Variants in POU5F1 observed in about 807,000 individuals in gnomAD.
POU5F1 encodes POU domain, class 5, transcription factor 1.
Under a neutral mutation model 38.3 loss-of-function variants are expected in POU5F1, and 6 were observed. That is an observed-to-expected ratio of 0.16 (90% confidence interval 0.09 to 0.31). The LOEUF is 0.31. Ranked by LOEUF, POU5F1 falls within the 10% of genes least tolerant of loss-of-function variation. The pLI, the probability that POU5F1 is intolerant of heterozygous loss-of-function variation, is 1.00. For synonymous variants in POU5F1, 147 were observed against 194.9 expected (o/e 0.75, Z 2.05); for missense variants, 286 against 462.6 (o/e 0.62, Z 3.50).
Position 31,165,661 on chromosome 6 carries a change from A to C in POU5F1, c.567T>G (p.Ala189=). ...FSQTTICRFE[A]LQLSFKNMCK... is the part of the protein sequence containing the mutation. ...ACATGTTCTTGAAGCTAAGCTGCAG[A>C]GCCTCAAAGCGGCAGATGGTCGTTT... The change falls in exon 3 of 5, where the codon GCT becomes GCG. Residue 189 remains alanine (A), a synonymous_variant. Transcript: ENST00000259915. This position sits in a 1 kb window ranked among gnomAD's most constrained non-coding sequence, Gnocchi z 6.5. The C allele has an allele frequency of 6.2e-7, 1 of 1,613,886 alleles. No individual in the cohort carries two copies. The highest frequency in any genetic ancestry group is 8.5e-7 in the Non-Finnish European group (1 of 1,179,942).
In POU5F1 at chr6:31,164,789, C is replaced by T. The variant is rs758948344; in HGVS notation, c.895G>A (p.Glu299Lys). Residue 299 changes from glutamate (E) to lysine (K), a missense_variant, in exon 5 of 5, where the codon GAG becomes AAG. Glu to Lys is a moderately conservative substitution (Grantham distance 56). Transcript: ENST00000259915. The part of the protein sequence containing the change: ...SSDYAQREDF[E>K]AAGSPFSGGP... ...CCTGAGAAAGGAGACCCAGCAGCCTCAAAATCCTCTCGTTGTGCATAGTCG... is the reference window on the plus strand; with the variant it reads ...CCTGAGAAAGGAGACCCAGCAGCCTTAAAATCCTCTCGTTGTGCATAGTCG... 1 of 1,612,726 alleles carries T rather than the reference C, an allele frequency of 6.2e-7. No homozygotes were observed.
chr6:31,168,244 T>C (rs1020531046), intron 1 of POU5F1, among the ~76,000 whole-genome samples: 1 of 151,128 alleles, frequency 6.6e-6, no homozygotes, highest in African/African-American at 2.4e-5. Flanking sequence ...TCACCTTTTT[T>C]TTTTTTTTTT....
Position 31,165,478 on chromosome 6 carries a change from C to G in POU5F1, c.657+93G>C. The G allele has an allele frequency of 6.2e-7, 1 of 1,601,256 alleles. No homozygotes were observed. Among genetic ancestry groups the G allele is most frequent in the South Asian group, 1.1e-5 (1 of 89,414 alleles). ...CACTCCATCCCACTGAGAACCACTG[C>G]ACCAAAGACGGAGAGCTACGAGCCA... On this transcript the variant is annotated intron_variant, in intron 3 of 4. Transcript: ENST00000259915. The surrounding 1 kb of genome is among the most constrained non-coding windows in gnomAD (Gnocchi z 6.5).
Position 31,170,471 on chromosome 6 carries a change from C to T in POU5F1, c.150G>A (p.Gly50=), listed in dbSNP as rs569265492. ...GPPGGPGIGP[G]VGPGSEVWGI... is the part of the protein sequence containing the mutation. ...CCCACACCTCAGAGCCTGGCCCAACCCCCGGCCCGATTCCTGGCCCTCCAG... is the reference window on the plus strand; with the variant it reads ...CCCACACCTCAGAGCCTGGCCCAACTCCCGGCCCGATTCCTGGCCCTCCAG... The change falls in exon 1 of 5, where the codon GGG becomes GGA. Residue 50 remains glycine, a synonymous_variant. Coordinates refer to ENST00000259915, the MANE Select transcript of POU5F1 (RefSeq NM_002701.6). 3.1e-6 allele frequency: 5 copies of T among 1,605,810 alleles called. No individual in the cohort carries two copies. The highest frequency in any genetic ancestry group is 1.9e-4 in the Middle Eastern group (1 of 5,234).
At chr6:31,164,946 C>G (rs1777102898) in intron 4 of POU5F1, 79 bp from the exon 5 acceptor site, 1 of 1,564,562 alleles carries the variant, frequency 6.4e-7, no homozygotes, top group Admixed American at 1.9e-5. Flanking sequence ...ACATTCTATC[C>G]AAAGCCAACA....
In POU5F1 at chr6:31,170,490, C is replaced by T; in HGVS notation, c.131G>A (p.Gly44Glu). ...CCCAACCCCCGGCCCGATTCCTGGC[C>T]CTCCAGGAGGGCCTTGGAAGCTTAG... ...TWLSFQGPPG[G>E]PGIGPGVGPG... Residue 44 changes from glycine (G) to glutamate (E), a missense_variant, in exon 1 of 5, where the codon GGG (glycine) becomes GAG (glutamate). By Grantham distance (98) the Gly-to-Glu change is moderately conservative. This residue lies in a region of POU5F1 where 176 missense variants were observed against 184.8 expected (regional missense o/e 0.95). Coordinates refer to ENST00000259915, the MANE Select transcript of POU5F1 (RefSeq NM_002701.6). The T allele has an allele frequency of 6.2e-7, 1 of 1,600,892 alleles. No homozygotes were observed. The highest frequency in any genetic ancestry group is 8.5e-7 in the Non-Finnish European group (1 of 1,174,470).
intron 1 of POU5F1, among the ~76,000 whole-genome samples, chr6:31,168,417 T>C (rs1045980863): frequency 2.6e-5 from 4 of 152,130 alleles, no homozygotes; most frequent in Non-Finnish European, 1.5e-5. Flanking sequence ...GTATTTTTAG[T>C]AGAGATGGGG....
chr6:31,166,195 C>A (rs1303151899), intron 1 of POU5F1, 148 bp from the exon 2 acceptor site: 4 of 1,574,474 alleles, frequency 2.5e-6, no homozygotes, highest in East Asian at 2.3e-5. Flanking sequence ...CACCTAACTT[C>A]TAGAAATAAC....
At chr6:31,168,916 AAAAC>A (rs1777475097) in intron 1 of POU5F1, among the ~76,000 whole-genome samples, 1 of 152,166 alleles carries the variant, frequency 6.6e-6, no homozygotes, top group African/African-American at 2.4e-5. Context: ...TAGTGAGAAA[AAAAC>A]AAGGCCTTTT....
chr6:31,166,316 A>T, intron 1 of POU5F1: 1 of 1,482,226 alleles, frequency 6.7e-7, no homozygotes, highest in Non-Finnish European at 9.0e-7. Flanking sequence ...GCATCGTGAA[A>T]GGACAGAAAG....
chr6:31,170,336 A>C lies in POU5F1; in HGVS notation c.285T>G (p.Pro95=). ...VPQGGLETSQ[P]EGEAGVGVES... ...CCACCCCGACTCCTGCTTCGCCCTC[A>C]GGCTGAGAGGTCTCCAAGCCGCCTT... Residue 95 remains proline, a synonymous_variant, in exon 1 of 5, where the codon CCT becomes CCG. Coordinates refer to ENST00000259915, the MANE Select transcript of POU5F1 (RefSeq NM_002701.6). 1 of 1,612,714 alleles carries C rather than the reference A, an allele frequency of 6.2e-7. No homozygotes were observed. Among genetic ancestry groups the C allele is most frequent in the Non-Finnish European group, 8.5e-7 (1 of 1,179,828 alleles).
Position 31,165,938 on chromosome 6 carries a change from C to G in POU5F1, c.515G>C (p.Gly172Ala). The G allele has an allele frequency of 6.2e-7, 1 of 1,614,104 alleles. No homozygotes were observed. ...YTQADVGLTLGVLFGKVFSQT... is the reference protein window; with the variant it reads ...YTQADVGLTLAVLFGKVFSQT... ...AGAGGGGAACCCACCAAATAGAACC[C>G]CCAGGGTGAGCCCCACATCGGCCTG... Residue 172 changes from glycine to alanine, a missense_variant, in exon 2 of 5, where the codon GGG becomes GCG. Physicochemically the swap from Gly to Ala is moderately conservative, Grantham distance 60. This residue lies in a region of POU5F1 where 110 missense variants were observed against 277.8 expected (regional missense o/e 0.40). Coordinates refer to ENST00000259915, the MANE Select transcript of POU5F1 (RefSeq NM_002701.6). The surrounding 1 kb of genome is among the most constrained non-coding windows in gnomAD (Gnocchi z 6.5).
Position 31,165,351 on chromosome 6 carries a change from G to T in POU5F1, c.658-65C>A. On this transcript the variant is annotated intron_variant, in intron 3 of 4. Coordinates refer to ENST00000259915, the MANE Select transcript of POU5F1 (RefSeq NM_002701.6). The surrounding 1 kb of genome is among the most constrained non-coding windows in gnomAD (Gnocchi z 6.5). ...ACTTGCTGAGTAACAGCATCACAGG[G>T]GTCTGTGACTAGATGTGTCAGCAGA... 1 of 1,581,040 alleles carries T rather than the reference G, an allele frequency of 6.3e-7. No homozygotes were observed. Among genetic ancestry groups the T allele is most frequent in the Non-Finnish European group, 8.6e-7 (1 of 1,161,310 alleles).
At chr6:31,168,498 G>A (rs1189296994) in intron 1 of POU5F1, among the ~76,000 whole-genome samples, 1 of 152,188 alleles carries the variant, frequency 6.6e-6, no homozygotes, top group Non-Finnish European at 1.5e-5. Flanking sequence ...GCCTCCCAAA[G>A]TGCCTGGCCA....
intron 1 of POU5F1, chr6:31,166,665 A>G: frequency 8.9e-7 from 1 of 1,119,144 alleles, no homozygotes; most frequent in South Asian, 2.5e-5. Flanking sequence ...TCTCAAAGAA[A>G]AAAAAAAAAG....
chr6:31,168,847 T>G (rs1056099459), intron 1 of POU5F1, among the ~76,000 whole-genome samples: 3 of 152,078 alleles, frequency 2.0e-5, no homozygotes, highest in Non-Finnish European at 4.4e-5. Flanking sequence ...GAGCAGAGGT[T>G]GAAGGACTGA....
intron 1 of POU5F1, 117 bp downstream of exon 1, chr6:31,170,099 C>A: frequency 1.3e-6 from 2 of 1,549,482 alleles, no homozygotes; most frequent in East Asian, 2.3e-5. Context: ...GGGCAGCTGA[C>A]CCTGCCTGCT....
At position 31,167,297 on chromosome 6, in the gene POU5F1, T is replaced by C. The variant is rs1014972507; in HGVS notation, c.406-1250A>G. The stretch of plus-strand genomic sequence containing the variant: ...ATCCTAGCACTTTGGGAGGCCAAGG[T>C]GGGCAGACTGCTTGAGCCCAAGAGT... On this transcript the variant is annotated intron_variant, in intron 1 of 4. Transcript: ENST00000259915. 7 of 230,382 alleles carry C rather than the reference T, an allele frequency of 3.0e-5. No individual in the cohort carries two copies. In the East Asian group the frequency reaches 5.6e-4, roughly 18 times the overall value. 14.3% of individuals were successfully genotyped at this position (230,382 alleles called of 1,614,324 possible).
In POU5F1 at chr6:31,167,036, G is replaced by C. The variant is rs536581051; in HGVS notation, c.406-989C>G. ...GATTTTTAAATTCAAGAGATTTATCGAGCACCTTCTATAAGCCAGCGGCTA... is the reference window on the plus strand; with the variant it reads ...GATTTTTAAATTCAAGAGATTTATCCAGCACCTTCTATAAGCCAGCGGCTA... On this transcript the variant is annotated intron_variant, in intron 1 of 4. Coordinates refer to ENST00000259915, the MANE Select transcript of POU5F1 (RefSeq NM_002701.6). 63 of 620,550 alleles carry C rather than the reference G, an allele frequency of 1.0e-4. No individual in the cohort carries two copies. The East Asian group carries it at 2.4e-3, about 24-fold the overall frequency. 38.4% of individuals were successfully genotyped at this position (620,550 alleles called of 1,614,324 possible). A position where few individuals can be genotyped will look rare whatever the true frequency, so the allele number is the denominator to read the frequency against.
Sources: gnomAD v4.1 joint callset for allele counts (sites outside exome capture counted in the v4.1 genomes callset) on GRCh38, gnomAD v4.1.1 for gene constraint, gnomAD v4.1.1 regional missense constraint, Gnocchi (gnomAD v3.1) non-coding constraint, MANE v1.5 for transcripts, NCBI Gene and HGNC (gene_info 2026-07-23, HGNC 2026-07-21) for gene names.